Variants in LINGO2 observed in about 807,000 individuals in gnomAD.
LINGO2 encodes leucine rich repeat and Ig domain containing 2.
LINGO2 carries 14 observed loss-of-function variants against 30.6 expected under a neutral mutation model. The ratio of observed to expected loss-of-function variants is 0.46; its 90% CI spans 0.30 to 0.72. The LOEUF (loss-of-function observed/expected upper bound fraction) is 0.72, where lower values mean the gene tolerates loss of function less well. Ranked by LOEUF, LINGO2 falls within the 30% of genes least tolerant of loss-of-function variation. LINGO2 has a pLI of 0.07. For missense variants in LINGO2, 729 were observed against 751.7 expected (o/e 0.97, Z 0.35); for synonymous variants, 317 against 288.5 (o/e 1.10, Z -1.00).
intron 1 of LINGO2, among the ~76,000 whole-genome samples, chr9:28,625,413 C>A (rs890763682): frequency 1.3e-5 from 2 of 152,136 alleles, no homozygotes; most frequent in African/African-American, 4.8e-5. Flanking sequence ...TCTTCAATGT[C>A]TCTTTCAGTG....
chr9:28,951,482 T>C, the LINGO2 span, among the ~76,000 whole-genome samples: 2 of 152,090 alleles, frequency 1.3e-5, no homozygotes, highest in Non-Finnish European at 2.9e-5. Flanking sequence ...TCCTGCACCC[T>C]GTCAGCGGCA....
chr9:28,481,934 C>A (rs1825986670), intron 1 of LINGO2, among the ~76,000 whole-genome samples: 1 of 152,140 alleles, frequency 6.6e-6, no homozygotes, highest in African/African-American at 2.4e-5. Flanking sequence ...TCATCCATGT[C>A]CCTACAGAAG....
At chr9:28,428,371 TC>T (rs773173455) in intron 2 of LINGO2, among the ~76,000 whole-genome samples, 7 of 152,148 alleles carry the variant, frequency 4.6e-5, no homozygotes, top group Non-Finnish European at 1.0e-4. Context: ...CCTGCCTTCA[TC>T]CTCTGGCTGA....
At chr9:28,476,654 T>TA (rs1825742730) in intron 1 of LINGO2, among the ~76,000 whole-genome samples, 1 of 151,894 alleles carries the variant, frequency 6.6e-6, no homozygotes, top group Non-Finnish European at 1.5e-5. Flanking sequence ...TCTGTGTACT[T>TA]AAACTCCAGA....
At chr9:28,557,729 A>G (rs1822806335) in intron 1 of LINGO2, among the ~76,000 whole-genome samples, 1 of 150,558 alleles carries the variant, frequency 6.6e-6, no homozygotes, top group South Asian at 2.1e-4. Flanking sequence ...TCACAATAGC[A>G]AAGACTTGGA....
intron 4 of LINGO2, among the ~76,000 whole-genome samples, chr9:28,261,538 C>G (rs552964991): frequency 6.6e-6 from 1 of 151,984 alleles, no homozygotes; most frequent in South Asian, 2.1e-4. Context: ...AAATTTGGCA[C>G]GTAGTCCTTT....
At chr9:29,188,446 ATTTCTCAATCT>A in the LINGO2 span, among the ~76,000 whole-genome samples, 2 of 152,120 alleles carry the variant, frequency 1.3e-5, no homozygotes, top group Non-Finnish European at 2.9e-5. Flanking sequence ...CAACCATCCG[ATTTCTCAATCT>A]TTTCCCCACC....
At chr9:27,945,517 A>T (rs1028570185), downstream of LINGO2, among the ~76,000 whole-genome samples, 1 of 152,158 alleles carries the variant, frequency 6.6e-6, no homozygotes, top group African/African-American at 2.4e-5. Context: ...CCAGAGTGGA[A>T]TGAAAACCAA....
At chr9:28,849,031 C>G in the LINGO2 span, among the ~76,000 whole-genome samples, 1 of 151,964 alleles carries the variant, frequency 6.6e-6, no homozygotes, top group Non-Finnish European at 1.5e-5. Flanking sequence ...TACTTGACTC[C>G]TCCCCTCTAC....
the LINGO2 span, among the ~76,000 whole-genome samples, chr9:28,678,024 G>A: frequency 6.6e-6 from 1 of 151,378 alleles, no homozygotes; most frequent in East Asian, 1.9e-4. Context: ...CTCCTAACTA[G>A]TCTTTCTTCT....
At chr9:28,899,425 C>T in the LINGO2 span, among the ~76,000 whole-genome samples, 1 of 152,200 alleles carries the variant, frequency 6.6e-6, no homozygotes, top group Non-Finnish European at 1.5e-5. Flanking sequence ...AGTCTCCAGG[C>T]CTTCTCCAGG....
chr9:28,299,100 G>A (rs1356600019), intron 3 of LINGO2, among the ~76,000 whole-genome samples: 4 of 152,118 alleles, frequency 2.6e-5, no homozygotes, highest in Non-Finnish European at 4.4e-5. Context: ...TTGTTGACAA[G>A]TTGTTTTTTA....
chr9:28,373,745 C>T (rs1190828445), intron 2 of LINGO2, among the ~76,000 whole-genome samples: 1 of 151,820 alleles, frequency 6.6e-6, no homozygotes, highest in East Asian at 1.9e-4. Flanking sequence ...ACTAAAAATA[C>T]AAAAATTAGT....
intron 1 of LINGO2, among the ~76,000 whole-genome samples, chr9:28,612,981 T>A (rs547401042): frequency 2.2e-4 from 34 of 152,136 alleles, no homozygotes; most frequent in Non-Finnish European, 4.6e-4. Context: ...TATGCTGTTC[T>A]CATGATAGTG....
At chr9:28,759,408 T>A in the LINGO2 span, among the ~76,000 whole-genome samples, 7 of 151,822 alleles carry the variant, frequency 4.6e-5, no homozygotes, top group Non-Finnish European at 8.8e-5. Flanking sequence ...TTTGGCCGGG[T>A]GCGGTGGCTC....
At chr9:28,007,659 A>G (rs73441711) in intron 5 of LINGO2, among the ~76,000 whole-genome samples, 13,094 of 152,232 alleles carry the variant, frequency 0.086, 648 homozygotes, top group South Asian at 0.16. Context: ...TCAGTTTTAC[A>G]GATAATTCCA....
the LINGO2 span, among the ~76,000 whole-genome samples, chr9:29,007,497 T>C: frequency 6.6e-6 from 1 of 152,132 alleles, no homozygotes; most frequent in South Asian, 2.1e-4. Flanking sequence ...TACCCATATT[T>C]CTCAGACCTT....
At chr9:28,465,424 C>A (rs780199296) in intron 2 of LINGO2, among the ~76,000 whole-genome samples, 1 of 152,000 alleles carries the variant, frequency 6.6e-6, no homozygotes, top group African/African-American at 2.4e-5. Context: ...TGTGTGTGTG[C>A]GCTGAGTTTG....
chr9:28,609,543 A>G (rs980931378), intron 1 of LINGO2, among the ~76,000 whole-genome samples: 2 of 152,078 alleles, frequency 1.3e-5, no homozygotes, highest in African/African-American at 4.8e-5. Flanking sequence ...AGAAAAAAAT[A>G]ACAAAATGCA....
Sources: allele counts gnomAD v4.1 joint callset (sites outside exome capture counted in the v4.1 genomes callset), GRCh38; gene constraint gnomAD v4.1.1; transcripts MANE v1.5; gene names NCBI Gene and HGNC (gene_info 2026-07-23, HGNC 2026-07-21).